USP47: variants seen among roughly 807,000 people sequenced by gnomAD.
USP47 encodes ubiquitin specific peptidase 47.
USP47 carries 35 observed loss-of-function variants against 165.1 expected under a neutral mutation model. That is an observed-to-expected ratio of 0.21 (90% CI 0.16 to 0.28). The LOEUF is 0.28. USP47 is among the 10% of genes least tolerant of loss of function. USP47 has a pLI of 1.00. For synonymous variants in USP47, 531 were observed against 544.5 expected, an observed-to-expected ratio of 0.98 and a Z score of 0.35; for missense variants, 1,277 against 1,607.4, an observed-to-expected ratio of 0.79 and a Z score of 3.52.
rs1847280004 is a variant in USP47 at position 11,957,943 on chromosome 11, T to A, written c.*1768T>A. On this transcript the variant is annotated 3_prime_UTR_variant, in exon 28 of 28. Transcript: ENST00000527733. ...AATTTGACTGAAGTAATGTTCTGAG[T>A]TTGCATTAGTGGGATTGGTGATGTT... 2 of 152,170 alleles carry A rather than the reference T, an allele frequency of 1.3e-5. No homozygotes were observed. The highest frequency in any genetic ancestry group is 2.9e-5 in the Non-Finnish European group (2 of 68,018). 9.4% of individuals were successfully genotyped at this position (152,170 alleles called of 1,614,324 possible). A position where few individuals can be genotyped will look rare whatever the true frequency, so the allele number is the denominator to read the frequency against.
At position 11,892,177 on chromosome 11, in the gene USP47, A is replaced by G. The variant is rs145994366; in HGVS notation, c.496+71A>G. ...AAGTAATCTTAGCGATTTGAAGCCTAATCCTCTTATTTTATGGATAAGAAA... is the reference window on the plus strand; with the variant it reads ...AAGTAATCTTAGCGATTTGAAGCCTGATCCTCTTATTTTATGGATAAGAAA... On this transcript the variant is annotated intron_variant, in intron 4 of 27. Coordinates refer to ENST00000527733, the MANE Select transcript of USP47 (RefSeq NM_001282659.2). 4.0e-6 allele frequency: 6 copies of G among 1,487,394 alleles called. No homozygotes were observed. The East Asian group carries it at 1.4e-4, about 34-fold the overall frequency. The allele number at this position is 1,487,394 out of a possible 1,614,324, so 92.1% of individuals were successfully genotyped here. A position where few individuals can be genotyped will look rare whatever the true frequency, so the allele number is the denominator to read the frequency against.
intron 1 of USP47, among the ~76,000 whole-genome samples, chr11:11,842,578 C>T (rs1389118801): frequency 6.6e-6 from 1 of 152,196 alleles, no homozygotes; most frequent in Non-Finnish European, 1.5e-5. Context: ...GGAACAGTTG[C>T]CTATGGGCAC....
At chr11:11,955,288 G>A in intron 27 of USP47, 124 bp downstream of exon 27, 1 of 1,178,540 alleles carries the variant, frequency 8.5e-7, no homozygotes, top group Non-Finnish European at 1.1e-6. Context: ...TAGAAATACA[G>A]TGACAGCCAA....
At chr11:11,937,679 G>A (rs555817710) in intron 17 of USP47, among the ~76,000 whole-genome samples, 1 of 150,638 alleles carries the variant, frequency 6.6e-6, no homozygotes, top group Non-Finnish European at 1.5e-5. Context: ...AGTGTGGATT[G>A]TAAGACTTAT....
At chr11:11,871,768 C>A (rs1008588864) in intron 1 of USP47, among the ~76,000 whole-genome samples, 4 of 152,066 alleles carry the variant, frequency 2.6e-5, no homozygotes, top group Admixed American at 2.6e-4. Context: ...CCTTGAACTC[C>A]CAACTCCTTT....
chr11:11,893,248 G>A (rs1272802792), intron 4 of USP47, among the ~76,000 whole-genome samples: 1 of 152,092 alleles, frequency 6.6e-6, no homozygotes, highest in Non-Finnish European at 1.5e-5. Flanking sequence ...TATGTTTTAT[G>A]TTGAAGGAAA....
rs376342541 is a variant in USP47, at chr11:11,936,359, T to C, written c.1926T>C (p.Asp642=). The C allele has an allele frequency of 3.1e-6, 5 of 1,608,040 alleles. No homozygotes were observed. In the African/African-American group the frequency reaches 6.7e-5, roughly 22 times the overall value. ...PLDCCRLVKY[D]EFHDYLERSY... is the part of the protein sequence containing the mutation. ...ATTGCTGTCGCCTTGTTAAATATGA[T>C]GAGTTTCATGATTATCTAGAACGGT... Residue 642 remains aspartate (D), a synonymous_variant, in exon 17 of 28, where the codon GAT becomes GAC. Transcript: ENST00000527733.
Position 11,907,706 on chromosome 11 carries a change from T to G in USP47, c.969+2158T>G, listed in dbSNP as rs1852662097. 2.0e-5 allele frequency among the ~76,000 whole-genome samples: 3 copies of G among 152,188 alleles called. 1 individual carries two copies. In the South Asian group the frequency reaches 6.2e-4, roughly 31 times the overall value. On this transcript the variant is annotated intron_variant, in intron 8 of 27. Transcript: ENST00000527733. ...GGTACCATAAAATCACTCATTGAGA[T>G]TATATAAAATTGGCCTGAATTTTAA...
intron 8 of USP47, among the ~76,000 whole-genome samples, chr11:11,919,726 AGT>A (rs1176220728): frequency 3.3e-5 from 5 of 151,940 alleles, no homozygotes; most frequent in East Asian, 1.9e-4. Context: ...GTGTATGAAA[AGT>A]GTGAATTCTT....
At position 11,957,288 on chromosome 11, in the gene USP47, G is replaced by A. The variant is rs1157699915; in HGVS notation, c.*1113G>A. 1 of 152,410 alleles carries A rather than the reference G, an allele frequency of 6.6e-6. No homozygotes were observed. The highest frequency in any genetic ancestry group is 1.5e-5 in the Non-Finnish European group (1 of 68,034). The allele number at this position is 152,410 out of a possible 1,614,324, so 9.4% of individuals were successfully genotyped here. A position where few individuals can be genotyped will look rare whatever the true frequency, so the allele number is the denominator to read the frequency against. On this transcript the variant is annotated 3_prime_UTR_variant, in exon 28 of 28. Coordinates refer to ENST00000527733, the MANE Select transcript of USP47 (RefSeq NM_001282659.2). ...TGTTCTGAATAAACTTGCTAATGAG[G>A]TCAGGTCATGGTACAGACTGATGCA...
intron 4 of USP47, among the ~76,000 whole-genome samples, chr11:11,894,761 T>C (rs1039396461): frequency 6.6e-6 from 1 of 152,230 alleles, no homozygotes. Context: ...TCCTTGAGAC[T>C]AAGACATGCT....
intron 8 of USP47, among the ~76,000 whole-genome samples, chr11:11,914,524 A>G (rs1187214625): frequency 6.6e-6 from 1 of 152,216 alleles, no homozygotes. Context: ...AGTACAGTCT[A>G]CAAAAGGGAC....
chr11:11,899,633 A>T (rs1440954072), intron 5 of USP47, among the ~76,000 whole-genome samples: 1 of 152,212 alleles, frequency 6.6e-6, no homozygotes, highest in Non-Finnish European at 1.5e-5. Context: ...GGAACTTCAC[A>T]GGAACAAGCC....
intron 19 of USP47, among the ~76,000 whole-genome samples, chr11:11,941,716 T>C (rs561756246): frequency 6.6e-5 from 10 of 152,110 alleles, no homozygotes; most frequent in Admixed American, 5.9e-4. Context: ...AGAACTCTTT[T>C]AAAAAAATGA....
rs1437559777 is a variant in USP47, at chr11:11,960,952, A to G, written c.*4777A>G. 1.3e-5 allele frequency among the ~76,000 whole-genome samples: 2 copies of G among 152,038 alleles called. No homozygotes were observed. The highest frequency in any genetic ancestry group is 2.9e-5 in the Non-Finnish European group (2 of 68,012). On this transcript the variant is annotated 3_prime_UTR_variant, in exon 28 of 28. Transcript: ENST00000527733. The stretch of plus-strand genomic sequence containing the variant: ...TCCCTCCCCACAGGCCCAGAGAACC[A>G]GTTGGGCTTTGTTCTCCTGCAGGCT...
intron 3 of USP47, among the ~76,000 whole-genome samples, chr11:11,886,222 G>A (rs745795175): frequency 6.6e-5 from 10 of 152,118 alleles, no homozygotes; most frequent in Non-Finnish European, 1.0e-4. Flanking sequence ...CTCCAGCAAG[G>A]GCACAGAACT....
intron 14 of USP47, 79 bp from the exon 15 acceptor site, chr11:11,932,925 T>C (rs1854780895): frequency 1.9e-6 from 2 of 1,026,470 alleles, no homozygotes; most frequent in African/African-American, 3.2e-5. Context: ...GTATATACCA[T>C]GAGAGCATAG....
intron 4 of USP47, among the ~76,000 whole-genome samples, chr11:11,895,528 C>G (rs1851793529): frequency 6.6e-6 from 1 of 152,108 alleles, no homozygotes; most frequent in African/African-American, 2.4e-5. Flanking sequence ...AGAAAATGCT[C>G]TCATGATTTT....
At chr11:11,893,292 A>G (rs1387865319) in intron 4 of USP47, among the ~76,000 whole-genome samples, 1 of 152,180 alleles carries the variant, frequency 6.6e-6, no homozygotes, top group African/African-American at 2.4e-5. Flanking sequence ...TTGATTGCAT[A>G]TGTCATTAAT....
Sources: gnomAD v4.1 joint callset for allele counts (sites outside exome capture counted in the v4.1 genomes callset) on GRCh38, gnomAD v4.1.1 for gene constraint, MANE v1.5 for transcripts, NCBI Gene and HGNC (gene_info 2026-07-23, HGNC 2026-07-21) for gene names.